The following EML5 variants were observed in gnomAD, a reference collection of about 807,000 sequenced individuals.
The protein encoded by EML5 is echinoderm microtubule-associated protein-like 5.
In EML5, 120 loss-of-function variants were observed where a neutral mutation model predicts 250.0. The ratio of observed to expected loss-of-function variants is 0.48; its 90% confidence interval spans 0.41 to 0.56. The LOEUF is 0.56. Ranked by LOEUF, EML5 falls within the 20% of genes least tolerant of loss-of-function variation. The pLI is 0.00. For synonymous variants in EML5, 771 were observed against 806.5 expected (o/e 0.96, Z 0.75); for missense variants, 2,006 against 2,437.6 (o/e 0.82, Z 3.73).
At chr14:88,707,146 TC>T (rs1356702067) in intron 10 of EML5, among the ~76,000 whole-genome samples, 5 of 152,182 alleles carry the variant, frequency 3.3e-5, no homozygotes, top group Admixed American at 2.0e-4. Flanking sequence ...GTCAGTTCTA[TC>T]ATTAGAGATG....
intron 1 of EML5, among the ~76,000 whole-genome samples, chr14:88,756,401 T>C (rs931148385): frequency 9.2e-5 from 14 of 152,142 alleles, no homozygotes; most frequent in African/African-American, 2.9e-4. Flanking sequence ...AATAACATAT[T>C]TAATGATGAA....
Position 88,620,929 on chromosome 14 carries a change from G to C in EML5, c.5203-3C>G. 7.0e-7 allele frequency: 1 copy of C among 1,427,870 alleles called. No individual in the cohort carries two copies. Among genetic ancestry groups the C allele is most frequent in the Non-Finnish European group, 9.1e-7 (1 of 1,099,382 alleles). The allele number at this position is 1,427,870 out of a possible 1,614,324, so 88.5% of individuals were successfully genotyped here. On this transcript the variant is annotated splice_region_variant and splice_polypyrimidine_tract_variant and intron_variant, in intron 38 of 43. Transcript: ENST00000554922. This position sits in a 1 kb window ranked among gnomAD's most constrained non-coding sequence, Gnocchi z 4.3. ...AAATTCACTTTGTTTAACATCTTCT[G>C]CATTTAAAAAAAAAAAAAAAAAGAG...
At chr14:88,660,262 C>A in intron 25 of EML5, among the ~76,000 whole-genome samples, 1 of 144,066 alleles carries the variant, frequency 6.9e-6, no homozygotes, top group South Asian at 2.2e-4. Context: ...CAGCCTGGGT[C>A]ACAGAGAGAG....
intron 26 of EML5, among the ~76,000 whole-genome samples, chr14:88,657,866 A>G (rs1211249063): frequency 6.6e-6 from 1 of 152,200 alleles, no homozygotes; most frequent in African/African-American, 2.4e-5. Flanking sequence ...TACATTTTCT[A>G]TAACGAGCTG....
Position 88,639,005 on chromosome 14 carries a change from T to C in EML5, c.4238-98A>G. ...ATAAACTACTCTTTAACTTATTTGC[T>C]TATTCAAAACATGTTTTTGAGCACT... On this transcript the variant is annotated intron_variant, in intron 31 of 43. Transcript: ENST00000554922. 9.0e-6 allele frequency: 8 copies of C among 893,120 alleles called. No individual in the cohort carries two copies. In the South Asian group the frequency reaches 1.4e-4, roughly 15 times the overall value. The allele number at this position is 893,120 out of a possible 1,614,324, so 55.3% of individuals were successfully genotyped here.
chr14:88,740,633 T>G, intron 4 of EML5, 61 bp from the exon 5 acceptor site: 6 of 1,401,210 alleles, frequency 4.3e-6, no homozygotes, highest in Non-Finnish European at 5.8e-6. Context: ...AGTAAAACAT[T>G]CCCAATACTT....
Position 88,620,824 on chromosome 14 carries a change from T to TG in EML5, c.5304dup (p.Ile1769HisfsTer22), listed in dbSNP as rs1028001743. On this transcript the variant is annotated frameshift_variant, in exon 39 of 44. Coordinates refer to ENST00000554922, the MANE Select transcript of EML5 (RefSeq NM_183387.3). LOFTEE classifies it high-confidence loss of function. The surrounding 1 kb of genome is among the most constrained non-coding windows in gnomAD (Gnocchi z 4.3). ...ATTTTTAGAGAACTCACTAGTAAAA[T>TG]GATAAATTCTCCATTTTTCATTCCA... 1 of 1,607,164 alleles carries TG rather than the reference T, an allele frequency of 6.2e-7. No homozygotes were observed. The highest frequency in any genetic ancestry group is 1.3e-5 in the African/African-American group (1 of 74,686).
chr14:88,681,137 T>C (rs920496175), intron 21 of EML5, among the ~76,000 whole-genome samples: 1 of 152,094 alleles, frequency 6.6e-6, no homozygotes, highest in African/African-American at 2.4e-5. Flanking sequence ...ATGACAATTA[T>C]CAAAATTAAC....
chr14:88,616,545 T>G, intron 42 of EML5, 181 bp downstream of exon 42: 2 of 633,142 alleles, frequency 3.2e-6, no homozygotes, highest in South Asian at 4.6e-5. Flanking sequence ...CCAAAGATGG[T>G]ATTACTCGAG....
chr14:88,733,059 T>C (rs766667742), intron 7 of EML5, among the ~76,000 whole-genome samples: 155 of 152,352 alleles, frequency 1.0e-3, no homozygotes, highest in Non-Finnish European at 1.6e-3. Context: ...ATTTGAACAA[T>C]TAATGCTATT....
intron 36 of EML5, 23 bp from the exon 37 acceptor site, chr14:88,622,741 G>A (rs762176566): frequency 3.9e-6 from 6 of 1,534,116 alleles, no homozygotes; most frequent in South Asian, 2.5e-5. Flanking sequence ...CCAAGCCAGA[G>A]TAAGTGTTCA....
chr14:88,622,031 C>T (rs1452859323), intron 37 of EML5: 4 of 330,764 alleles, frequency 1.2e-5, no homozygotes, highest in Admixed American at 1.0e-4. Flanking sequence ...CTATCCCCCT[C>T]CCCCTCCCCC....
intron 14 of EML5, among the ~76,000 whole-genome samples, chr14:88,699,577 TG>T (rs1243461494): frequency 6.6e-6 from 1 of 152,040 alleles, no homozygotes. Context: ...TACTAGTGAA[TG>T]GGAAAAATGG....
chr14:88,630,952 ACCCT>A (rs2090407382), intron 33 of EML5, among the ~76,000 whole-genome samples: 1 of 152,004 alleles, frequency 6.6e-6, no homozygotes, highest in African/African-American at 2.4e-5. Flanking sequence ...TCCGGAGGCT[ACCCT>A]CCCTCTTCAT....
intron 7 of EML5, among the ~76,000 whole-genome samples, chr14:88,731,750 T>C (rs1157706743): frequency 6.6e-6 from 1 of 152,236 alleles, no homozygotes; most frequent in Non-Finnish European, 1.5e-5. Flanking sequence ...GACTTTTTAA[T>C]GATCACCATT....
At chr14:88,763,434 A>AC (rs959960340) in intron 1 of EML5, among the ~76,000 whole-genome samples, 10 of 151,698 alleles carry the variant, frequency 6.6e-5, no homozygotes, top group South Asian at 2.1e-4. Flanking sequence ...AGACACACAC[A>AC]CCCCCCCAAG....
intron 1 of EML5, among the ~76,000 whole-genome samples, chr14:88,761,065 T>C (rs1053326999): frequency 1.3e-5 from 2 of 152,176 alleles, no homozygotes; most frequent in Non-Finnish European, 2.9e-5. Context: ...TTTTAAAAAA[T>C]AAATTATTTG....
intron 7 of EML5, among the ~76,000 whole-genome samples, chr14:88,732,111 T>C (rs2093768754): frequency 6.6e-6 from 1 of 152,226 alleles, no homozygotes; most frequent in Admixed American, 6.5e-5. Flanking sequence ...TGCCATTGCT[T>C]TTGGTGTTTT....
At chr14:88,775,731 C>G (rs1013791094) in intron 1 of EML5, among the ~76,000 whole-genome samples, 1 of 152,194 alleles carries the variant, frequency 6.6e-6, no homozygotes, top group African/African-American at 2.4e-5. Context: ...GCTTTACCAC[C>G]TGAGTGTAGA....
Sources: gnomAD v4.1 joint callset for allele counts (sites outside exome capture counted in the v4.1 genomes callset) on GRCh38, gnomAD v4.1.1 for gene constraint, Gnocchi (gnomAD v3.1) non-coding constraint, MANE v1.5 for transcripts, NCBI Gene and HGNC (gene_info 2026-07-23, HGNC 2026-07-21) for gene names.